Variants in NEBL observed in about 807,000 individuals in gnomAD.
NEBL encodes the protein nebulette.
A neutral mutation model predicts 140.2 loss-of-function variants in NEBL; 122 were observed. The ratio of observed to expected loss-of-function variants is 0.87; its 90% confidence interval spans 0.75 to 1.01. NEBL has a LOEUF of 1.01. Ranked by LOEUF, NEBL falls within the 50% of genes least tolerant of loss-of-function variation. The pLI is 0.00. For missense variants in NEBL, 1,365 were observed against 1,231.3 expected (o/e 1.11, Z -1.62); for synonymous variants, 436 against 398.9 (o/e 1.09, Z -1.11).
chr10:20,885,129 T>A (rs1846387637), intron 4 of NEBL, among the ~76,000 whole-genome samples: 2 of 152,234 alleles, frequency 1.3e-5, no homozygotes, highest in Admixed American at 1.3e-4. Flanking sequence ...CAGAATGTCA[T>A]TAAATTTCTG....
At chr10:20,995,799 C>T (rs909061498) in intron 3 of NEBL, among the ~76,000 whole-genome samples, 5 of 152,126 alleles carry the variant, frequency 3.3e-5, no homozygotes, top group Admixed American at 2.6e-4. Context: ...AGATGCTGCT[C>T]GGCTTGAAAA....
intron 2 of NEBL, among the ~76,000 whole-genome samples, chr10:21,091,925 C>T (rs950753716): frequency 1.3e-5 from 2 of 152,242 alleles, no homozygotes; most frequent in Admixed American, 1.3e-4. Flanking sequence ...AGCCACCACG[C>T]CCACCTTGTC....
intron 1 of NEBL, among the ~76,000 whole-genome samples, chr10:21,258,342 G>A (rs1490081262): frequency 6.6e-6 from 1 of 152,192 alleles, no homozygotes; most frequent in East Asian, 1.9e-4. Flanking sequence ...GCCAAGGCAG[G>A]TGGATCACTT....
intron 1 of NEBL, among the ~76,000 whole-genome samples, chr10:21,267,904 T>C (rs1243166478): frequency 3.3e-5 from 5 of 152,206 alleles, no homozygotes; most frequent in Non-Finnish European, 7.3e-5. Flanking sequence ...TGCTCTATAA[T>C]TCAGCCAGAA....
chr10:20,983,844 C>T (rs1837148163), intron 3 of NEBL, among the ~76,000 whole-genome samples: 1 of 152,126 alleles, frequency 6.6e-6, no homozygotes, highest in Non-Finnish European at 1.5e-5. Context: ...CTAAGAAATC[C>T]TGGATGACTA....
At chr10:21,073,433 G>C (rs805253) in intron 2 of NEBL, among the ~76,000 whole-genome samples, 3 of 151,334 alleles carry the variant, frequency 2.0e-5, no homozygotes, top group African/African-American at 7.3e-5. Context: ...CCTGGCCAAC[G>C]TGGTGAAACC....
chr10:21,088,635 G>A (rs78410682), intron 2 of NEBL, among the ~76,000 whole-genome samples: 1,940 of 152,276 alleles, frequency 0.013, 42 homozygotes, highest in African/African-American at 0.044. Flanking sequence ...TGGAAATACA[G>A]TCTACTATAA....
At chr10:21,008,986 T>C (rs1039940359) in intron 3 of NEBL, among the ~76,000 whole-genome samples, 21 of 151,812 alleles carry the variant, frequency 1.4e-4, no homozygotes, top group African/African-American at 4.6e-4. Flanking sequence ...CCTAAGACAT[T>C]AAGTGGTATT....
chr10:20,973,596 A>C (rs1227862900), intron 3 of NEBL, among the ~76,000 whole-genome samples: 1 of 152,126 alleles, frequency 6.6e-6, no homozygotes, highest in East Asian at 1.9e-4. Context: ...CTATAATTTG[A>C]TCTACCCAAA....
intron 3 of NEBL, among the ~76,000 whole-genome samples, chr10:20,963,003 A>AACACACACACACACACACAC: frequency 7.0e-6 from 1 of 143,312 alleles, no homozygotes; most frequent in African/African-American, 2.6e-5. Context: ...TTGAAAGAAA[A>AACACACACACACACACACAC]ACACACACAC....
chr10:21,030,537 T>G, intron 2 of NEBL: 1 of 792,662 alleles, frequency 1.3e-6, no homozygotes, highest in Middle Eastern at 2.7e-4. Context: ...GTTCTAACCC[T>G]CCTGCTCCAT....
At chr10:20,896,687 A>G (rs1564430018) in intron 2 of NEBL, among the ~76,000 whole-genome samples, 1 of 152,000 alleles carries the variant, frequency 6.6e-6, no homozygotes, top group Non-Finnish European at 1.5e-5. Flanking sequence ...ACTGCAATTC[A>G]ATGCCTTATG....
At chr10:20,933,853 G>A (rs1589034817) in intron 4 of NEBL, among the ~76,000 whole-genome samples, 1 of 152,194 alleles carries the variant, frequency 6.6e-6, no homozygotes, top group African/African-American at 2.4e-5. Flanking sequence ...TAGTTCTCAA[G>A]TGAGGACGGT....
At chr10:21,149,093 C>G (rs1840033437) in intron 2 of NEBL, among the ~76,000 whole-genome samples, 1 of 152,130 alleles carries the variant, frequency 6.6e-6, no homozygotes, top group South Asian at 2.1e-4. Flanking sequence ...CCCTCTGTGT[C>G]TAATCACATT....
Position 20,795,524 on chromosome 10 carries a change from T to A in NEBL, c.2762-8216A>T, listed in dbSNP as rs115976061. Among the ~76,000 whole-genome samples the A allele has an allele frequency of 4.2e-3, 637 of 152,046 alleles. 6 individuals carry two copies. Among genetic ancestry groups the A allele is most frequent in the African/African-American group, 0.015 (609 of 41,462 alleles). ...TTATTGTAAGAGTCATTTTAGCATC[T>A]GACAAGTCTCTGGGGAGAGAGAGTG... On this transcript the variant is annotated intron_variant, in intron 26 of 27. Transcript: ENST00000377122.
intron 2 of NEBL, among the ~76,000 whole-genome samples, chr10:21,136,522 C>A (rs1839364238): frequency 6.6e-6 from 1 of 152,142 alleles, no homozygotes; most frequent in African/African-American, 2.4e-5. Flanking sequence ...AAACCCTCAC[C>A]CTCATCACCC....
chr10:21,055,959 G>T (rs1835006117), intron 2 of NEBL, among the ~76,000 whole-genome samples: 2 of 152,174 alleles, frequency 1.3e-5, no homozygotes, highest in Admixed American at 6.5e-5. Flanking sequence ...CAAATGCTTT[G>T]TTTGTCCTGA....
intron 2 of NEBL, among the ~76,000 whole-genome samples, chr10:21,169,794 C>T (rs55907432): frequency 2.0e-5 from 3 of 152,142 alleles, no homozygotes; most frequent in Admixed American, 6.5e-5. Flanking sequence ...GGGTGCTACC[C>T]TCAGAATTCA....
At chr10:21,049,854 C>A (rs1029521358) in intron 2 of NEBL, among the ~76,000 whole-genome samples, 4 of 152,128 alleles carry the variant, frequency 2.6e-5, no homozygotes, top group Non-Finnish European at 4.4e-5. Context: ...TATTTTCCTT[C>A]CAATTTTATT....
Sources: allele counts gnomAD v4.1 joint callset (sites outside exome capture counted in the v4.1 genomes callset), GRCh38; gene constraint gnomAD v4.1.1; transcripts MANE v1.5; gene names NCBI Gene and HGNC (gene_info 2026-07-23, HGNC 2026-07-21).